The following SH3PXD2A variants were observed in gnomAD, a reference collection of about 807,000 sequenced individuals.
SH3PXD2A encodes SH3 and PX domains 2A, also known as SH3 and PX domain-containing protein 2A.
A neutral mutation model predicts 115.2 loss-of-function variants in SH3PXD2A; 32 were observed. The observed-to-expected ratio is 0.28, with a 90% CI of 0.21 to 0.37. The LOEUF is 0.37. SH3PXD2A is among the 10% of genes least tolerant of loss of function. The probability of loss-of-function intolerance (pLI) is 1.00; values close to 1 mark genes in which losing one functional copy is unlikely to be tolerated. For synonymous variants in SH3PXD2A, 610 were observed against 629.1 expected (o/e 0.97, Z 0.45); for missense variants, 1,328 against 1,498.7 (o/e 0.89, Z 1.88).
intron 2 of SH3PXD2A, among the ~76,000 whole-genome samples, chr10:103,776,436 C>CTGTGTG (rs34034863): frequency 0.064 from 8,047 of 125,016 alleles, 392 homozygotes; most frequent in African/African-American, 0.14. Flanking sequence ...GTGTGTGTGT[C>CTGTGTG]TGTGTGTGTG....
chr10:103,607,583 T>C (rs1564842758), intron 13 of SH3PXD2A, among the ~76,000 whole-genome samples: 1 of 151,304 alleles, frequency 6.6e-6, no homozygotes, highest in African/African-American at 2.4e-5. Context: ...GAGGGGCGCC[T>C]CTGCCCGGCC....
intron 2 of SH3PXD2A, among the ~76,000 whole-genome samples, chr10:103,791,327 G>C (rs760751526): frequency 5.3e-5 from 8 of 152,302 alleles, no homozygotes; most frequent in Non-Finnish European, 1.0e-4. Context: ...AACACCCTGT[G>C]AACACCGTGA....
intron 6 of SH3PXD2A, among the ~76,000 whole-genome samples, chr10:103,679,111 A>G (rs1261588249): frequency 6.6e-6 from 1 of 152,230 alleles, no homozygotes; most frequent in Non-Finnish European, 1.5e-5. Context: ...AATTAGGCTC[A>G]GCAGCCATGC....
At chr10:103,693,474 T>A (rs1322111011) in intron 5 of SH3PXD2A, 1 of 150,336 alleles carries the variant, frequency 6.7e-6, no homozygotes, top group Non-Finnish European at 1.5e-5. Context: ...ACCGGAGCGG[T>A]TCACCTCCCA....
At chr10:103,823,436 C>T (rs774494969) in intron 1 of SH3PXD2A, among the ~76,000 whole-genome samples, 3 of 152,202 alleles carry the variant, frequency 2.0e-5, no homozygotes, top group Non-Finnish European at 4.4e-5. Context: ...ATTATTCTGG[C>T]TGGCCTCATC....
intron 5 of SH3PXD2A, among the ~76,000 whole-genome samples, chr10:103,701,152 CCAT>C (rs1367902735): frequency 7.2e-6 from 1 of 139,098 alleles, no homozygotes; most frequent in Non-Finnish European, 1.6e-5. Flanking sequence ...CACTATCCAT[CCAT>C]CCATCCATCC....
rs569888387 is a variant in SH3PXD2A at position 103,784,399 on chromosome 10, C to T, written c.153+16883G>A. Among the ~76,000 whole-genome samples the T allele has an allele frequency of 3.3e-5, 5 of 152,340 alleles. No individual in the cohort carries two copies. Among genetic ancestry groups the T allele is most frequent in the East Asian group, 1.9e-4 (1 of 5,180 alleles). ...CTCCACCTCCAGTTCCACTCCTACACGCAGACCCAAGGCAGGAGGAAGGGA... is the reference window on the plus strand; with the variant it reads ...CTCCACCTCCAGTTCCACTCCTACATGCAGACCCAAGGCAGGAGGAAGGGA... On this transcript the variant is annotated intron_variant, in intron 2 of 14. Coordinates refer to ENST00000369774, the MANE Select transcript of SH3PXD2A (RefSeq NM_001394015.1). The surrounding 1 kb of genome is among the most constrained non-coding windows in gnomAD (Gnocchi z 4.4).
chr10:103,695,214 C>G (rs768469090), intron 5 of SH3PXD2A, among the ~76,000 whole-genome samples: 1 of 152,124 alleles, frequency 6.6e-6, no homozygotes. Context: ...TGCCAGTAGC[C>G]CAGGCAGGGG....
At chr10:103,656,828 CAAA>C (rs10692439) in intron 8 of SH3PXD2A, among the ~76,000 whole-genome samples, 1 of 111,858 alleles carries the variant, frequency 8.9e-6, no homozygotes. Flanking sequence ...AACTCCATCT[CAAA>C]AAAAAAAAAA....
At chr10:103,852,888 A>G (rs1842909291) in intron 1 of SH3PXD2A, among the ~76,000 whole-genome samples, 1 of 152,230 alleles carries the variant, frequency 6.6e-6, no homozygotes, top group Non-Finnish European at 1.5e-5. Context: ...ATGCAATGAA[A>G]AAAACCCAGC....
intron 3 of SH3PXD2A, among the ~76,000 whole-genome samples, chr10:103,762,682 A>C (rs1317145972): frequency 6.6e-6 from 1 of 152,188 alleles, no homozygotes; most frequent in Non-Finnish European, 1.5e-5. Context: ...AGACTTCATA[A>C]AGGCTGGTGG....
chr10:103,710,752 GGTGA>G (rs1274251660), intron 5 of SH3PXD2A, among the ~76,000 whole-genome samples: 1 of 152,140 alleles, frequency 6.6e-6, no homozygotes, highest in African/African-American at 2.4e-5. Flanking sequence ...GCCCAGGTGT[GGTGA>G]GTAAGTGGTG....
intron 2 of SH3PXD2A, among the ~76,000 whole-genome samples, chr10:103,779,367 C>A (rs559594754): frequency 6.6e-6 from 1 of 152,328 alleles, no homozygotes; most frequent in East Asian, 1.9e-4. Flanking sequence ...ATGGGAGCTA[C>A]ACCCCAGCAT....
At position 103,602,244 on chromosome 10, in the gene SH3PXD2A, T is replaced by A. The variant is rs924301774; in HGVS notation, c.2974A>T (p.Asn992Tyr). Residue 992 changes from asparagine (N) to tyrosine (Y), a missense_variant, in exon 15 of 15, where the codon AAC becomes TAC. Asn to Tyr is a moderately radical substitution (Grantham distance 143, BLOSUM62 -2). This residue lies in a region of SH3PXD2A where 574 missense variants were observed against 565.7 expected (regional missense o/e 1.01). Transcript: ENST00000369774. ...TTCCTCCGCAGGGCGCAGGACAGGT[T>A]GTTGTCCTTGGGTGGCGGGGACACA... ...VFVSPPPKDN[N>Y]LSCALRRNES... The A allele has an allele frequency of 1.2e-6, 2 of 1,610,118 alleles. No individual in the cohort carries two copies. Among genetic ancestry groups the A allele is most frequent in the Non-Finnish European group, 1.7e-6 (2 of 1,178,320 alleles).
chr10:103,794,170 G>A (rs748239123), intron 2 of SH3PXD2A, among the ~76,000 whole-genome samples: 1 of 152,176 alleles, frequency 6.6e-6, no homozygotes, highest in Non-Finnish European at 1.5e-5. Context: ...AAGTGAGTGT[G>A]ACCCCAGGGT....
At position 103,767,182 on chromosome 10, in the gene SH3PXD2A, A is replaced by G. The variant is rs776911199; in HGVS notation, c.154-13T>C. The G allele has an allele frequency of 4.4e-6, 7 of 1,607,138 alleles. No homozygotes were observed. The South Asian group carries it at 7.7e-5, about 18-fold the overall frequency. On this transcript the variant is annotated splice_polypyrimidine_tract_variant and intron_variant, in intron 2 of 14. Coordinates refer to ENST00000369774, the MANE Select transcript of SH3PXD2A (RefSeq NM_001394015.1). ...CCAAAAGCTGCATCTGAGAAGCCAG[A>G]CAGACAGAGGGACAGGATTCAGAAG...
intron 1 of SH3PXD2A, among the ~76,000 whole-genome samples, chr10:103,808,378 A>C (rs933753401): frequency 1.3e-5 from 2 of 151,714 alleles, no homozygotes; most frequent in Admixed American, 6.6e-5. Flanking sequence ...CAGCCTCCTG[A>C]CTAGCTGGCA....
At position 103,674,508 on chromosome 10, in the gene SH3PXD2A, A is replaced by G. The variant is rs542761612; in HGVS notation, c.428-5856T>C. ...GAAAAACACGGATGGCCAATTCGTA[A>G]TTCTTTAAAAGTCTTAAAAAACATG... On this transcript the variant is annotated intron_variant, in intron 6 of 14. Transcript: ENST00000369774. 7.2e-5 allele frequency among the ~76,000 whole-genome samples: 11 copies of G among 152,346 alleles called. No individual in the cohort carries two copies. In the South Asian group the frequency reaches 2.1e-3, roughly 29 times the overall value.
rs75698789 is a variant in SH3PXD2A, at chr10:103,751,074, G to C, written c.230-15266C>G. ...AATAGAATGCAGAGTATGCAAGGCA[G>C]AGAAGATGAATGAGGATAATAAGGG... On this transcript the variant is annotated intron_variant, in intron 3 of 14. Transcript: ENST00000369774. Among the ~76,000 whole-genome samples the C allele has an allele frequency of 3.1e-3, 466 of 152,370 alleles. 3 individuals are homozygous for C. The highest frequency in any genetic ancestry group is 0.011 in the African/African-American group (437 of 41,594).
Sources: gnomAD v4.1 joint callset for allele counts (sites outside exome capture counted in the v4.1 genomes callset) on GRCh38, gnomAD v4.1.1 for gene constraint, gnomAD v4.1.1 regional missense constraint, Gnocchi (gnomAD v3.1) non-coding constraint, MANE v1.5 for transcripts, NCBI Gene and HGNC (gene_info 2026-07-23, HGNC 2026-07-21) for gene names.